LOXHD1: variants seen among roughly 807,000 people sequenced by gnomAD.
LOXHD1 encodes the protein lipoxygenase homology PLAT domains 1.
LOXHD1 carries 205 observed loss-of-function variants against 248.2 expected under a neutral mutation model. The observed-to-expected ratio is 0.83, with a 90% CI of 0.74 to 0.93. The LOEUF is 0.93. Ranked by LOEUF, LOXHD1 falls within the 40% of genes least tolerant of loss-of-function variation. LOXHD1 has a pLI of 0.00. For missense variants in LOXHD1, 2,930 were observed against 2,971.6 expected (o/e 0.99, Z 0.33); for synonymous variants, 1,113 against 1,162.8 (o/e 0.96, Z 0.87).
chr18:46,504,735 G>T (rs75083763), intron 37 of LOXHD1, among the ~76,000 whole-genome samples: 8,652 of 152,292 alleles, frequency 0.057, 339 homozygotes, highest in Non-Finnish European at 0.079. Context: ...CTAGTCCTCC[G>T]CAGGGGTTTG....
At position 46,518,123 on chromosome 18, in the gene LOXHD1, A is replaced by G. The variant is rs374607583; in HGVS notation, c.5399+6T>C. On this transcript the variant is annotated splice_donor_region_variant and intron_variant, in intron 34 of 40. Coordinates refer to ENST00000642948, the MANE Select transcript of LOXHD1 (RefSeq NM_001384474.1). ...GGGGTGAGGGGCAGGGGCCGCCTCC[A>G]GGTACCTGGCTTTCTTTTTGTCCAG... 258 of 1,551,468 alleles carry G rather than the reference A, an allele frequency of 1.7e-4. No individual in the cohort carries two copies. In the African/African-American group the frequency reaches 2.8e-3, roughly 17 times the overall value.
chr18:46,490,541 T>C (rs975178186), intron 37 of LOXHD1, among the ~76,000 whole-genome samples: 3 of 152,260 alleles, frequency 2.0e-5, no homozygotes, highest in Non-Finnish European at 4.4e-5. Context: ...AATGGCATGA[T>C]CTCGGCTCAC....
chr18:46,522,214 G>T lies in LOXHD1; in HGVS notation c.4972C>A (p.Arg1658Ser), dbSNP rs377416999. ...FIFLIGEDDE[R>S]SKRIWLDYPR... ...TAGTCCAACCAGATGCGCTTACTAC[G>T]TTCATCATCCTCCCCGATGAGAAAG... Residue 1658 changes from arginine to serine, a missense_variant, in exon 32 of 41, where the codon CGT becomes AGT. By Grantham distance (110) the Arg-to-Ser change is moderately radical. Coordinates refer to ENST00000642948, the MANE Select transcript of LOXHD1 (RefSeq NM_001384474.1). 2 of 1,551,648 alleles carry T rather than the reference G, an allele frequency of 1.3e-6. No homozygotes were observed. The highest frequency in any genetic ancestry group is 2.0e-5 in the Admixed American group (1 of 50,988).
intron 34 of LOXHD1, among the ~76,000 whole-genome samples, chr18:46,515,942 C>T (rs1771286017): frequency 6.6e-6 from 1 of 152,198 alleles, no homozygotes; most frequent in Admixed American, 6.5e-5. Flanking sequence ...CTCCCCAATG[C>T]AATCACGTAT....
chr18:46,500,121 C>T (rs1157087854), intron 37 of LOXHD1, among the ~76,000 whole-genome samples: 1 of 152,044 alleles, frequency 6.6e-6, no homozygotes, highest in East Asian at 1.9e-4. Flanking sequence ...CCTTCTTTTC[C>T]ATTATCTCAC....
Position 46,573,067 on chromosome 18 carries a change from G to A in LOXHD1, c.1971-905C>T, listed in dbSNP as rs538908468. On this transcript the variant is annotated intron_variant, in intron 14 of 40. Transcript: ENST00000642948. ...AAAAAGACAGGATAGACCAGCTGAG[G>A]CACTGAGGACCAAGACCAGGATAGG... Among the ~76,000 whole-genome samples the A allele has an allele frequency of 4.8e-4, 73 of 151,156 alleles. No individual in the cohort carries two copies. In the South Asian group the frequency reaches 0.015, roughly 32 times the overall value.
intron 2 of LOXHD1, among the ~76,000 whole-genome samples, chr18:46,646,072 C>T (rs1270073370): frequency 6.6e-6 from 1 of 152,186 alleles, no homozygotes; most frequent in East Asian, 1.9e-4. Flanking sequence ...GTGTGTTACA[C>T]ACAAATATGC....
At chr18:46,500,189 G>T (rs2034137555) in intron 37 of LOXHD1, among the ~76,000 whole-genome samples, 1 of 152,068 alleles carries the variant, frequency 6.6e-6, no homozygotes, top group Non-Finnish European at 1.5e-5. Flanking sequence ...TCCTCAAGCT[G>T]CACTTTCTCC....
intron 26 of LOXHD1, among the ~76,000 whole-genome samples, chr18:46,536,807 A>G (rs774930663): frequency 7.9e-5 from 12 of 152,214 alleles, no homozygotes; most frequent in Non-Finnish European, 1.6e-4. Flanking sequence ...CCCCCGGGAT[A>G]GAGACTGGCC....
chr18:46,595,617 A>C (rs2038245607), intron 8 of LOXHD1, among the ~76,000 whole-genome samples: 1 of 152,224 alleles, frequency 6.6e-6, no homozygotes, highest in Non-Finnish European at 1.5e-5. Context: ...GAAGAACCTC[A>C]GAATTTCTAT....
In LOXHD1 at chr18:46,477,575, G is replaced by A; in HGVS notation, c.6719C>T (p.Thr2240Ile). Residue 2240 changes from threonine to isoleucine, a missense_variant, in exon 41 of 41, where the codon ACC (threonine) becomes ATC (isoleucine). Coordinates refer to ENST00000642948, the MANE Select transcript of LOXHD1 (RefSeq NM_001384474.1). ...SGWLVEKVEV[T>I]NTSTGVATIF... is the part of the protein sequence containing the mutation. ...GGTGGCCACGCCGGTGCTGGTGTTG[G>A]TGACCTCCACCTTCTCCACCAGCCA... The A allele has an allele frequency of 6.4e-7, 1 of 1,551,734 alleles. No homozygotes were observed. Among genetic ancestry groups the A allele is most frequent in the Non-Finnish European group, 8.7e-7 (1 of 1,147,014 alleles).
At chr18:46,577,950 C>A in intron 13 of LOXHD1, 83 bp from the exon 14 acceptor site, 1 of 1,438,344 alleles carries the variant, frequency 7.0e-7, no homozygotes. Context: ...GCTCAGATAT[C>A]AGAAAATCCA....
chr18:46,653,450 T>A (rs2039138498), intron 1 of LOXHD1, among the ~76,000 whole-genome samples: 1 of 152,244 alleles, frequency 6.6e-6, no homozygotes, highest in Admixed American at 6.5e-5. Context: ...TGCTCAAGTT[T>A]AAAATTTTAA....
chr18:46,603,460 G>A (rs570948676), intron 7 of LOXHD1, among the ~76,000 whole-genome samples: 70 of 152,214 alleles, frequency 4.6e-4, no homozygotes, highest in African/African-American at 1.6e-3. Flanking sequence ...GGTGAGTCAT[G>A]GGAGTTCTGC....
At chr18:46,602,426 G>A (rs765872940) in intron 7 of LOXHD1, among the ~76,000 whole-genome samples, 14 of 151,844 alleles carry the variant, frequency 9.2e-5, no homozygotes, top group African/African-American at 3.1e-4. Context: ...GACTGGTCTC[G>A]AACCCCTGGC....
intron 25 of LOXHD1, among the ~76,000 whole-genome samples, chr18:46,540,451 G>T (rs951803985): frequency 2.0e-5 from 3 of 152,128 alleles, no homozygotes; most frequent in Non-Finnish European, 4.4e-5. Flanking sequence ...CCCTTCCTCT[G>T]AGCCTCTGGG....
intron 5 of LOXHD1, among the ~76,000 whole-genome samples, chr18:46,617,605 T>C (rs2038606872): frequency 6.6e-6 from 1 of 151,980 alleles, no homozygotes; most frequent in Non-Finnish European, 1.5e-5. Flanking sequence ...GTTACAAAAT[T>C]CACATGTCTT....
chr18:46,600,854 T>G (rs981861452), intron 8 of LOXHD1, among the ~76,000 whole-genome samples: 1 of 152,198 alleles, frequency 6.6e-6, no homozygotes, highest in Non-Finnish European at 1.5e-5. Context: ...TAATATATAT[T>G]CTTTAAAGTA....
chr18:46,555,206 A>G (rs1044713976), intron 21 of LOXHD1: 1 of 470,676 alleles, frequency 2.1e-6, no homozygotes, highest in Non-Finnish European at 4.4e-6. Context: ...TTTCCTTTCC[A>G]AGCTTAAATG....
Sources: gnomAD v4.1 joint callset for allele counts (sites outside exome capture counted in the v4.1 genomes callset) on GRCh38, gnomAD v4.1.1 for gene constraint, MANE v1.5 for transcripts, NCBI Gene and HGNC (gene_info 2026-07-23, HGNC 2026-07-21) for gene names.